Variants in COMMD1 observed in about 807,000 individuals in gnomAD.
The protein encoded by COMMD1 is copper metabolism domain containing 1.
Under a neutral mutation model 17.2 loss-of-function variants are expected in COMMD1, and 10 were observed. The ratio of observed to expected loss-of-function variants is 0.58; its 90% CI spans 0.36 to 0.99. The LOEUF (loss-of-function observed/expected upper bound fraction) is 0.99. Ranked by LOEUF, COMMD1 falls within the 50% of genes least tolerant of loss-of-function variation. The probability of loss-of-function intolerance (pLI) is 0.01; values close to 1 mark genes in which losing one functional copy is unlikely to be tolerated. For missense variants in COMMD1, 270 were observed against 231.8 expected, an observed-to-expected ratio of 1.17 and a Z score of -1.07; for synonymous variants, 97 against 91.6, an observed-to-expected ratio of 1.06 and a Z score of -0.34.
chr2:61,935,270 A>T (rs998053990), intron 1 of COMMD1, among the ~76,000 whole-genome samples: 1 of 152,250 alleles, frequency 6.6e-6, no homozygotes, highest in African/African-American at 2.4e-5. Flanking sequence ...AAAATAACTC[A>T]GAGACAAATA....
intron 2 of COMMD1, among the ~76,000 whole-genome samples, chr2:62,074,121 C>G (rs1378567807): frequency 1.3e-5 from 2 of 152,208 alleles, no homozygotes; most frequent in East Asian, 3.8e-4. Context: ...CTTCCATGCA[C>G]TCTTCCTTTG....
intron 2 of COMMD1, among the ~76,000 whole-genome samples, chr2:62,068,555 G>A (rs569891108): frequency 6.6e-6 from 1 of 151,462 alleles, no homozygotes; most frequent in African/African-American, 2.4e-5. Flanking sequence ...TACCTCTAAG[G>A]ATAAGATTGG....
chr2:62,104,633 C>CAAAAAAAAAAAAAAA (rs35679940), intron 2 of COMMD1, among the ~76,000 whole-genome samples: 1 of 76,750 alleles, frequency 1.3e-5, no homozygotes, highest in African/African-American at 5.1e-5. Context: ...GACTCCGTCT[C>CAAAAAAAAAAAAAAA]AAAAAAAAAA....
chr2:62,044,918 G>T (rs1014841509), intron 2 of COMMD1, among the ~76,000 whole-genome samples: 6 of 150,306 alleles, frequency 4.0e-5, no homozygotes, highest in African/African-American at 1.5e-4. Flanking sequence ...TTATTAATTT[G>T]ATCTGTGTTA....
At chr2:62,062,297 G>A (rs376853281) in intron 2 of COMMD1, among the ~76,000 whole-genome samples, 5 of 151,638 alleles carry the variant, frequency 3.3e-5, no homozygotes, top group African/African-American at 9.7e-5. Flanking sequence ...CATGATCTCA[G>A]CTCACTGCAA....
chr2:62,105,996 A>G (rs1204018914), intron 2 of COMMD1, among the ~76,000 whole-genome samples: 2 of 152,142 alleles, frequency 1.3e-5, no homozygotes, highest in Non-Finnish European at 2.9e-5. Flanking sequence ...TTAGAGAATG[A>G]ACTTTTTTTT....
At chr2:61,992,095 T>C (rs1339180391) in intron 1 of COMMD1, among the ~76,000 whole-genome samples, 1 of 152,218 alleles carries the variant, frequency 6.6e-6, no homozygotes, top group African/African-American at 2.4e-5. Context: ...TTAGAACACA[T>C]AATGAATTAA....
chr2:61,985,093 C>T (rs560770851), intron 1 of COMMD1, among the ~76,000 whole-genome samples: 2 of 150,488 alleles, frequency 1.3e-5, no homozygotes, highest in East Asian at 3.9e-4. Context: ...CTCTGTCGCC[C>T]AGGCTGGAGT....
intron 1 of COMMD1, among the ~76,000 whole-genome samples, chr2:61,942,312 C>T (rs1315663069): frequency 6.6e-6 from 1 of 152,156 alleles, no homozygotes; most frequent in African/African-American, 2.4e-5. Context: ...CCATGTTGTG[C>T]AGGCTGGTCT....
At chr2:62,009,687 A>G (rs1280494465) in intron 2 of COMMD1, among the ~76,000 whole-genome samples, 1 of 152,142 alleles carries the variant, frequency 6.6e-6, no homozygotes, top group Non-Finnish European at 1.5e-5. Flanking sequence ...TTGTTAAAAA[A>G]ATCTATGAAA....
At chr2:62,062,917 A>G (rs1321198650) in intron 2 of COMMD1, among the ~76,000 whole-genome samples, 2 of 151,902 alleles carry the variant, frequency 1.3e-5, no homozygotes, top group Admixed American at 6.6e-5. Flanking sequence ...CAAAAAAAAA[A>G]CTTTAAATAT....
chr2:61,962,322 G>A (rs1389494089), intron 1 of COMMD1, among the ~76,000 whole-genome samples: 1 of 152,246 alleles, frequency 6.6e-6, no homozygotes, highest in African/African-American at 2.4e-5. Flanking sequence ...TAGGACAGAG[G>A]CTTTAAATCC....
At chr2:62,002,491 G>GAAAAAAAAAAAAAAAAAAAAAAA (rs11310507) in intron 2 of COMMD1, among the ~76,000 whole-genome samples, 3 of 35,086 alleles carry the variant, frequency 8.6e-5, no homozygotes, top group Non-Finnish European at 1.5e-4. Context: ...GATTCCACCA[G>GAAAAAAAAAAAAAAAAAAAAAAA]AAAAAAAAAA....
At chr2:62,055,092 C>G (rs1309504055) in intron 2 of COMMD1, among the ~76,000 whole-genome samples, 2 of 152,170 alleles carry the variant, frequency 1.3e-5, no homozygotes, top group Admixed American at 6.5e-5. Flanking sequence ...TATCAAAACC[C>G]TATCAGTGAG....
intron 1 of COMMD1, among the ~76,000 whole-genome samples, chr2:61,910,601 T>C (rs534380560): frequency 2.6e-5 from 4 of 152,308 alleles, no homozygotes; most frequent in South Asian, 4.1e-4. Context: ...CAACTTCTTA[T>C]AGGTATGAGT....
At chr2:61,960,113 A>ATG (rs70946771) in intron 1 of COMMD1, among the ~76,000 whole-genome samples, 38,501 of 150,106 alleles carry the variant, frequency 0.26, 5,548 homozygotes, top group African/African-American at 0.4. Flanking sequence ...TTTGGAATAT[A>ATG]TGTGTGTGTG....
intron 1 of COMMD1, among the ~76,000 whole-genome samples, chr2:61,921,248 G>A (rs2105193580): frequency 6.6e-6 from 1 of 152,144 alleles, no homozygotes; most frequent in East Asian, 1.9e-4. Context: ...GGGATTGCAG[G>A]TGTGAGCTAA....
chr2:61,921,422 G>A (rs1286239667), intron 1 of COMMD1, among the ~76,000 whole-genome samples: 1 of 152,046 alleles, frequency 6.6e-6, no homozygotes, highest in Non-Finnish European at 1.5e-5. Flanking sequence ...CTGAGAACTA[G>A]ACCAACCCAG....
chr2:62,043,509 A>AT (rs1670296711), intron 2 of COMMD1, among the ~76,000 whole-genome samples: 1 of 152,186 alleles, frequency 6.6e-6, no homozygotes, highest in African/African-American at 2.4e-5. Context: ...TGCTTATGAC[A>AT]GTATTAGGCT....
Sources: allele counts gnomAD v4.1 joint callset (sites outside exome capture counted in the v4.1 genomes callset), GRCh38; gene constraint gnomAD v4.1.1; transcripts MANE v1.5; gene names NCBI Gene and HGNC (gene_info 2026-07-23, HGNC 2026-07-21).